The following ATP2C1 variants were observed in gnomAD, a reference collection of about 807,000 sequenced individuals.
The protein encoded by ATP2C1 is calcium-transporting ATPase type 2C member 1.
A neutral mutation model predicts 120.5 loss-of-function variants in ATP2C1; 31 were observed. That is an observed-to-expected ratio of 0.26 (90% CI 0.19 to 0.35). The LOEUF is 0.35. Among genes scored for constraint, ATP2C1 ranks in the 10% least tolerant of loss-of-function variants. The probability of loss-of-function intolerance (pLI) is 1.00; values close to 1 mark genes in which losing one functional copy is unlikely to be tolerated. For missense variants in ATP2C1, 731 were observed against 1,107.5 expected, an observed-to-expected ratio of 0.66 and a Z score of 4.83; for synonymous variants, 351 against 358.7, an observed-to-expected ratio of 0.98 and a Z score of 0.24.
intron 17 of ATP2C1, among the ~76,000 whole-genome samples, chr3:130,974,173 A>T (rs1324848145): frequency 6.6e-6 from 1 of 152,248 alleles, no homozygotes; most frequent in Non-Finnish European, 1.5e-5. Context: ...AATGATAGGT[A>T]TACAGAAAAC....
intron 1 of ATP2C1, among the ~76,000 whole-genome samples, chr3:130,867,690 G>A (rs2068234273): frequency 6.6e-6 from 1 of 150,402 alleles, no homozygotes; most frequent in African/African-American, 2.5e-5. Context: ...AGCCGAGATT[G>A]CAGCCTCTGC....
At chr3:130,898,274 GT>G (rs2069816892) in intron 2 of ATP2C1, among the ~76,000 whole-genome samples, 1 of 151,946 alleles carries the variant, frequency 6.6e-6, no homozygotes, top group Non-Finnish European at 1.5e-5. Context: ...AATCTTTTTT[GT>G]TTGAAAATGG....
At chr3:130,905,374 TTTCTC>T (rs2058075493) in intron 2 of ATP2C1, among the ~76,000 whole-genome samples, 1 of 152,094 alleles carries the variant, frequency 6.6e-6, no homozygotes, top group Non-Finnish European at 1.5e-5. Flanking sequence ...GTTCAGCCCT[TTTCTC>T]TTTCTTTGTT....
At chr3:130,867,841 G>A (rs1229615281) in intron 1 of ATP2C1, among the ~76,000 whole-genome samples, 1 of 143,782 alleles carries the variant, frequency 7.0e-6, no homozygotes, top group African/African-American at 2.6e-5. Flanking sequence ...CATCTAGGAA[G>A]CGAGGAGCGC....
rs769930124 is a variant in ATP2C1 at position 130,941,633 on chromosome 3, G to A, written c.465G>A (p.Leu155=). 4 of 1,613,892 alleles carry A rather than the reference G, an allele frequency of 2.5e-6. No individual in the cohort carries two copies. In the Admixed American group the frequency reaches 6.7e-5, roughly 27 times the overall value. The stretch of plus-strand genomic sequence containing the variant: ...TGGAGCATACACTTGCCCGAGACTT[G>A]GTTCCAGGTGATACAGTTTGCCTTT... ...GKLEHTLARD[L]VPGDTVCLSV... Residue 155 remains leucine (L), a synonymous_variant, in exon 8 of 28, where the codon TTG becomes TTA. Coordinates refer to ENST00000510168, the MANE Select transcript of ATP2C1 (RefSeq NM_001378687.1).
chr3:130,941,252 G>GTGTGTCTGTGTGTGTGTGTGTGTC (rs1553764223), intron 7 of ATP2C1, among the ~76,000 whole-genome samples: 2 of 144,384 alleles, frequency 1.4e-5, no homozygotes, highest in African/African-American at 5.6e-5. Context: ...GTGTGTGTGT[G>GTGTGTCTGTGTGTGTGTGTGTGTC]TGTGTGTGTG....
intron 1 of ATP2C1, among the ~76,000 whole-genome samples, chr3:130,862,176 A>C (rs2068036616): frequency 6.9e-6 from 1 of 145,174 alleles, no homozygotes; most frequent in South Asian, 2.2e-4. Flanking sequence ...GTAGAGACGG[A>C]GTTTCACCGT....
At chr3:130,894,059 G>C, upstream of ATP2C1, 1 of 985,528 alleles carries the variant, frequency 1.0e-6, no homozygotes, top group Non-Finnish European at 1.2e-6. The surrounding 1 kb of genome is among the most constrained non-coding windows in gnomAD (Gnocchi z 4.5). Context: ...GGGAGGGGCG[G>C]AGCGCAGGAG....
At position 130,894,192 on chromosome 3, in the gene ATP2C1, C is replaced by T; in HGVS notation, c.-326C>T. On this transcript the variant is annotated 5_prime_UTR_variant, in exon 1 of 28. Coordinates refer to ENST00000510168, the MANE Select transcript of ATP2C1 (RefSeq NM_001378687.1). The surrounding 1 kb of genome is among the most constrained non-coding windows in gnomAD (Gnocchi z 4.5). ...TCTCTCCCTCCCTTCCTCCCTCCCGCTCGCTTCTTCTCACGCCGGGAGCAG... is the reference window on the plus strand; with the variant it reads ...TCTCTCCCTCCCTTCCTCCCTCCCGTTCGCTTCTTCTCACGCCGGGAGCAG... 2.0e-6 allele frequency: 2 copies of T among 983,918 alleles called. No homozygotes were observed. Among genetic ancestry groups the T allele is most frequent in the Non-Finnish European group, 2.4e-6 (2 of 828,752 alleles). 60.9% of individuals were successfully genotyped at this position (983,918 alleles called of 1,614,324 possible). A position where few individuals can be genotyped will look rare whatever the true frequency, so the allele number is the denominator to read the frequency against.
At chr3:130,886,950 C>G (rs1475379431) in intron 1 of ATP2C1, among the ~76,000 whole-genome samples, 1 of 152,152 alleles carries the variant, frequency 6.6e-6, no homozygotes, top group East Asian at 1.9e-4. Context: ...TCTTCACAGT[C>G]TGGACTTGTT....
At chr3:130,967,540 C>G (rs1048425655) in intron 16 of ATP2C1, 121 bp downstream of exon 16, 5 of 808,852 alleles carry the variant, frequency 6.2e-6, no homozygotes, top group Non-Finnish European at 1.0e-5. Flanking sequence ...CATACTATTT[C>G]ATTGTTTTTA....
At chr3:130,903,611 T>C (rs7430588) in intron 2 of ATP2C1, among the ~76,000 whole-genome samples, 15,389 of 151,556 alleles carry the variant, frequency 0.1, 1,066 homozygotes, top group Middle Eastern at 0.17. Flanking sequence ...CTTTCTTTCT[T>C]TCTCTCCCTC....
At chr3:130,923,620 C>T (rs533088466) in intron 2 of ATP2C1, among the ~76,000 whole-genome samples, 1 of 151,926 alleles carries the variant, frequency 6.6e-6, no homozygotes. Flanking sequence ...GTAATCCTAG[C>T]ACTTTGGGAG....
exon 27 of ATP2C1, chr3:131,016,511 C>A: frequency 1.4e-6 from 1 of 721,938 alleles, no homozygotes; most frequent in Non-Finnish European, 2.2e-6. Flanking sequence ...AATATTGATA[C>A]TGAACTGTCT....
intron 1 of ATP2C1, among the ~76,000 whole-genome samples, chr3:130,861,067 C>CA (rs1389661102): frequency 6.6e-6 from 1 of 152,136 alleles, no homozygotes; most frequent in African/African-American, 2.4e-5. Context: ...GTCAGGAGTT[C>CA]AAAACCAGCC....
At chr3:130,950,558 A>C (rs1364737393) in intron 8 of ATP2C1, among the ~76,000 whole-genome samples, 2 of 152,304 alleles carry the variant, frequency 1.3e-5, no homozygotes, top group Middle Eastern at 3.4e-3. Flanking sequence ...ACTTCCTAGG[A>C]AAACTCTTGC....
rs1019945013 is a variant in ATP2C1, at chr3:130,913,159, G to A, written c.7-17257G>A. On this transcript the variant is annotated intron_variant, in intron 2 of 27. Transcript: ENST00000510168. Reference sequence around the variant, plus strand: ...ATACCTAATGCTAGATGACGAGTTAGTGGGTGCAGCACACCAGCATGGCAC... The same window carrying A: ...ATACCTAATGCTAGATGACGAGTTAATGGGTGCAGCACACCAGCATGGCAC... Among the ~76,000 whole-genome samples, 38 of 150,138 alleles carry A rather than the reference G, an allele frequency of 2.5e-4. 1 individual carries two copies. Among genetic ancestry groups the A allele is most frequent in the Middle Eastern group, 3.4e-3 (1 of 292 alleles).
chr3:130,924,064 T>C (rs2059091377), intron 2 of ATP2C1, among the ~76,000 whole-genome samples: 2 of 152,158 alleles, frequency 1.3e-5, no homozygotes, highest in South Asian at 4.1e-4. Context: ...AGGCCATTTA[T>C]ATTCAACGTG....
Position 130,930,653 on chromosome 3 carries a change from A to G in ATP2C1, c.117+127A>G. The G allele has an allele frequency of 6.9e-6, 5 of 724,140 alleles. No individual in the cohort carries two copies. In the South Asian group the frequency reaches 7.5e-5, roughly 11 times the overall value. 44.9% of individuals were successfully genotyped at this position (724,140 alleles called of 1,614,324 possible). Reference sequence around the variant, plus strand: ...TATTCTGTTCTGTGCCATTCAGCATAGTAGCCACAAGTTGAACAGGACTGT... The same window carrying G: ...TATTCTGTTCTGTGCCATTCAGCATGGTAGCCACAAGTTGAACAGGACTGT... On this transcript the variant is annotated intron_variant, in intron 3 of 27. Transcript: ENST00000510168.
Sources: gnomAD v4.1 joint callset for allele counts (sites outside exome capture counted in the v4.1 genomes callset) on GRCh38, gnomAD v4.1.1 for gene constraint, Gnocchi (gnomAD v3.1) non-coding constraint, MANE v1.5 for transcripts, NCBI Gene and HGNC (gene_info 2026-07-23, HGNC 2026-07-21) for gene names.